TNFRSF21: variants seen among roughly 807,000 people sequenced by gnomAD.
TNFRSF21 encodes the protein TNF receptor superfamily member 21, also known as tumor necrosis factor receptor superfamily member 21.
A neutral mutation model predicts 45.6 loss-of-function variants in TNFRSF21; 19 were observed. The observed-to-expected ratio is 0.42, with a 90% CI of 0.29 to 0.61. The LOEUF (loss-of-function observed/expected upper bound fraction) is 0.61. Ranked by LOEUF, TNFRSF21 falls within the 20% of genes least tolerant of loss-of-function variation. The pLI, the probability that TNFRSF21 is intolerant of heterozygous loss-of-function variation, is 0.23. For synonymous variants in TNFRSF21, 314 were observed against 335.5 expected (o/e 0.94, Z 0.70); for missense variants, 737 against 851.5 (o/e 0.87, Z 1.67).
chr6:47,238,220 G>A (rs189516255), intron 4 of TNFRSF21, among the ~76,000 whole-genome samples: 328 of 152,330 alleles, frequency 2.2e-3, no homozygotes, highest in Middle Eastern at 0.014. Flanking sequence ...AGGGTAACAG[G>A]AAGATTATCA....
intron 1 of TNFRSF21, among the ~76,000 whole-genome samples, chr6:47,294,752 AAC>A (rs1416876326): frequency 1.3e-5 from 2 of 152,026 alleles, no homozygotes; most frequent in African/African-American, 4.8e-5. Context: ...GCTGATCTCA[AAC>A]TCCTGGCCTC....
intron 3 of TNFRSF21, among the ~76,000 whole-genome samples, chr6:47,262,086 G>T (rs959541445): frequency 1.3e-5 from 2 of 152,086 alleles, no homozygotes; most frequent in Admixed American, 1.3e-4. Context: ...CTAGTTGAAG[G>T]TTTAATAGAC....
In TNFRSF21 at chr6:47,309,836, T is replaced by G; in HGVS notation, c.-325A>C. On this transcript the variant is annotated 5_prime_UTR_variant, in exon 1 of 6. Coordinates refer to ENST00000296861, the MANE Select transcript of TNFRSF21 (RefSeq NM_014452.5). ...GGGCGCGAGAGAGCAAAGGAACGAC[T>G]TCCCATAGCGAAGCTTCCAGCCACT... 2 of 246,840 alleles carry G rather than the reference T, an allele frequency of 8.1e-6. No individual in the cohort carries two copies. Among genetic ancestry groups the G allele is most frequent in the Non-Finnish European group, 7.7e-6 (1 of 129,536 alleles). 15.3% of individuals were successfully genotyped at this position (246,840 alleles called of 1,614,324 possible).
chr6:47,292,121 G>A (rs527370071), intron 1 of TNFRSF21, among the ~76,000 whole-genome samples: 1 of 152,142 alleles, frequency 6.6e-6, no homozygotes, highest in Non-Finnish European at 1.5e-5. Flanking sequence ...CCATTCAAAA[G>A]TGGCATTTAA....
At chr6:47,305,922 T>C (rs1043764902) in intron 1 of TNFRSF21, among the ~76,000 whole-genome samples, 1 of 152,230 alleles carries the variant, frequency 6.6e-6, no homozygotes, top group Non-Finnish European at 1.5e-5. Flanking sequence ...CAAGCCATTC[T>C]AGAGCATTCC....
intron 4 of TNFRSF21, among the ~76,000 whole-genome samples, chr6:47,242,130 C>T (rs1358415333): frequency 6.6e-6 from 1 of 151,858 alleles, no homozygotes; most frequent in Non-Finnish European, 1.5e-5. Context: ...AAGCTGGGAG[C>T]CAATGCAGAG....
intron 4 of TNFRSF21, 102 bp downstream of exon 4, chr6:47,253,154 C>A: frequency 7.2e-7 from 1 of 1,380,726 alleles, no homozygotes; most frequent in African/African-American, 1.4e-5. Flanking sequence ...GTGTGCCTAT[C>A]CACCGAATAT....
At chr6:47,264,412 A>G (rs2295264) in intron 3 of TNFRSF21, among the ~76,000 whole-genome samples, 66,933 of 151,928 alleles carry the variant, frequency 0.44, 15,903 homozygotes, top group African/African-American at 0.64. Context: ...CTACTCAAGA[A>G]GCTGAGGCAA....
intron 4 of TNFRSF21, among the ~76,000 whole-genome samples, chr6:47,249,635 T>C (rs1174350510): frequency 2.0e-5 from 3 of 152,212 alleles, no homozygotes; most frequent in Non-Finnish European, 2.9e-5. Context: ...CTCCTGACTG[T>C]GTAAAACTGT....
At chr6:47,283,010 G>A (rs950872218) in intron 3 of TNFRSF21, among the ~76,000 whole-genome samples, 7 of 152,066 alleles carry the variant, frequency 4.6e-5, no homozygotes, top group Middle Eastern at 3.2e-3. Context: ...GAATTGCCAC[G>A]CCAAATGGTA....
chr6:47,243,546 TA>T (rs1443728283), intron 4 of TNFRSF21, among the ~76,000 whole-genome samples: 2 of 152,120 alleles, frequency 1.3e-5, no homozygotes, highest in East Asian at 1.9e-4. Flanking sequence ...GCCTCCTGAC[TA>T]GCTGGGATTA....
intron 3 of TNFRSF21, among the ~76,000 whole-genome samples, chr6:47,267,595 C>G (rs576232193): frequency 1.6e-4 from 25 of 152,308 alleles, no homozygotes; most frequent in African/African-American, 6.0e-4. Flanking sequence ...CTCCAGCTCT[C>G]CATGAATGCT....
intron 3 of TNFRSF21, among the ~76,000 whole-genome samples, chr6:47,280,680 G>A (rs1312098227): frequency 1.3e-5 from 2 of 152,178 alleles, no homozygotes; most frequent in African/African-American, 4.8e-5. Context: ...ATAGGATATT[G>A]TTTTAAGGAC....
intron 3 of TNFRSF21, among the ~76,000 whole-genome samples, chr6:47,282,396 A>C (rs1032629385): frequency 1.7e-5 from 2 of 118,854 alleles, no homozygotes; most frequent in East Asian, 2.0e-4. Flanking sequence ...AAAAAAAAAT[A>C]AAAAAAAAAA....
chr6:47,266,794 T>C (rs932433738), intron 3 of TNFRSF21, among the ~76,000 whole-genome samples: 1 of 152,208 alleles, frequency 6.6e-6, no homozygotes, highest in Non-Finnish European at 1.5e-5. Flanking sequence ...TATAAATATT[T>C]GAATCCAAGA....
At chr6:47,302,489 C>T (rs192010835) in intron 1 of TNFRSF21, among the ~76,000 whole-genome samples, 81 of 152,250 alleles carry the variant, frequency 5.3e-4, no homozygotes, top group Non-Finnish European at 1.2e-4. Context: ...AGGATCCATT[C>T]CCTATTTATA....
chr6:47,233,094 C>T, intron 5 of TNFRSF21, 100 bp from the exon 6 acceptor site: 4 of 986,730 alleles, frequency 4.1e-6, no homozygotes, highest in South Asian at 1.5e-5. Context: ...ACATCTATGT[C>T]CCCCCCAGCC....
At chr6:47,267,881 AT>A (rs993868374) in intron 3 of TNFRSF21, among the ~76,000 whole-genome samples, 2 of 152,146 alleles carry the variant, frequency 1.3e-5, no homozygotes, top group African/African-American at 4.8e-5. Flanking sequence ...ATCTTTCTGA[AT>A]CTTGATTGCT....
At chr6:47,291,364 T>TCA (rs1435055967) in intron 1 of TNFRSF21, among the ~76,000 whole-genome samples, 1 of 152,150 alleles carries the variant, frequency 6.6e-6, no homozygotes, top group African/African-American at 2.4e-5. Context: ...GCTGTCTGCT[T>TCA]CAGAGCAGAG....
Sources: gnomAD v4.1 joint callset for allele counts (sites outside exome capture counted in the v4.1 genomes callset) on GRCh38, gnomAD v4.1.1 for gene constraint, MANE v1.5 for transcripts, NCBI Gene and HGNC (gene_info 2026-07-23, HGNC 2026-07-21) for gene names.